The following TRMT9B variants were observed in gnomAD, a reference collection of about 807,000 sequenced individuals.
TRMT9B encodes probable tRNA methyltransferase 9B.
In TRMT9B, 16 loss-of-function variants were observed where a neutral mutation model predicts 11.5. The ratio of observed to expected loss-of-function variants is 1.39; its 90% confidence interval spans 0.94 to 2.11. The LOEUF (loss-of-function observed/expected upper bound fraction) is 2.11, where lower values mean the gene tolerates loss of function less well. Among genes scored for constraint, TRMT9B ranks in the 30% most tolerant of loss-of-function variants. TRMT9B has a pLI of 0.00. For synonymous variants in TRMT9B, 274 were observed against 192.4 expected, an observed-to-expected ratio of 1.42 and a Z score of -3.51; for missense variants, 941 against 553.8, an observed-to-expected ratio of 1.70 and a Z score of -7.02.
chr8:13,005,286 C>A (rs747433476), intron 2 of TRMT9B, among the ~76,000 whole-genome samples: 6 of 152,014 alleles, frequency 3.9e-5, no homozygotes, highest in Admixed American at 6.6e-5. Context: ...TTACGAGAGG[C>A]TGCAAAGCGT....
intron 1 of TRMT9B, among the ~76,000 whole-genome samples, chr8:12,983,918 A>T (rs1423632822): frequency 4.6e-5 from 7 of 152,144 alleles, no homozygotes; most frequent in Admixed American, 4.6e-4. Context: ...CACTTTTTTT[A>T]AAAAACTGTA....
chr8:12,990,814 A>G lies in TRMT9B; in HGVS notation c.-199-20A>G, dbSNP rs772467127. On this transcript the variant is annotated intron_variant, in intron 1 of 4. Transcript: ENST00000524591. ...CATACCATGTGAAATGACATTTAGT[A>G]TTTGTTTTCTTCCTGATAGGGCCTG... The G allele has an allele frequency of 6.2e-5, 80 of 1,282,894 alleles. 1 individual carries two copies. The South Asian group carries it at 8.4e-4, about 14-fold the overall frequency. The allele number at this position is 1,282,894 out of a possible 1,614,324, so 79.5% of individuals were successfully genotyped here. A position where few individuals can be genotyped will look rare whatever the true frequency, so the allele number is the denominator to read the frequency against.
chr8:12,971,743 T>C lies in TRMT9B; in HGVS notation c.-199-19091T>C, dbSNP rs375758717. Reference sequence around the variant, plus strand: ...AAGAGAGTTCAGCTACTTATTTTCCTCCGAATATATTTAGATGTGGTTATC... The same window carrying C: ...AAGAGAGTTCAGCTACTTATTTTCCCCCGAATATATTTAGATGTGGTTATC... On this transcript the variant is annotated intron_variant, in intron 1 of 4. Transcript: ENST00000524591. 5.3e-5 allele frequency among the ~76,000 whole-genome samples: 8 copies of C among 152,320 alleles called. No homozygotes were observed. The East Asian group carries it at 1.2e-3, about 22-fold the overall frequency.
chr8:13,016,341 T>TGA lies in TRMT9B; in HGVS notation c.328+3484_328+3485insGA, dbSNP rs1812701257. ...GAGAGATAGTCTATTGAAATTTCTC[T>TGA]TATATGACATATATAAGGACCTATA... On this transcript the variant is annotated intron_variant, in intron 4 of 4. Transcript: ENST00000524591. Among the ~76,000 whole-genome samples the TGA allele has an allele frequency of 6.9e-5, 10 of 143,930 alleles. No homozygotes were observed. The Admixed American group carries it at 7.2e-4, about 10-fold the overall frequency. The allele number at this position is 143,930 out of a possible 152,430, so 94.4% of individuals were successfully genotyped here. A position where few individuals can be genotyped will look rare whatever the true frequency, so the allele number is the denominator to read the frequency against.
rs1401966845 is a variant in TRMT9B at position 13,025,554 on chromosome 8, ACTGT to A, written c.*3513_*3516del. ...AACTTTGCTGGCTTCCTGATGCCTCACTGTCTATTTGAGGAATTCCACAGAATCT... is the reference window on the plus strand; with the variant it reads ...AACTTTGCTGGCTTCCTGATGCCTCACTATTTGAGGAATTCCACAGAATCT... On this transcript the variant is annotated 3_prime_UTR_variant, in exon 5 of 5. Coordinates refer to ENST00000524591, the MANE Select transcript of TRMT9B (RefSeq NM_020844.3). The A allele has an allele frequency of 6.0e-6, 1 of 167,056 alleles. No homozygotes were observed. Among genetic ancestry groups the A allele is most frequent in the Non-Finnish European group, 1.5e-5 (1 of 68,166 alleles). 10.3% of individuals were successfully genotyped at this position (167,056 alleles called of 1,614,324 possible).
At position 13,021,016 on chromosome 8, in the gene TRMT9B, C is replaced by A; in HGVS notation, c.337C>A (p.His113Asn). Residue 113 changes from histidine to asparagine, a missense_variant, in exon 5 of 5, where the codon CAT becomes AAT. Coordinates refer to ENST00000524591, the MANE Select transcript of TRMT9B (RefSeq NM_020844.3). ...AGTTTTGTCTTTTTCAGTCATACAT[C>A]ATTTTTCTACAAAACAAAGAAGAAT... Reference protein sequence around the residue: ...DAIISIGVIHHFSTKQRRIRA... With the variant: ...DAIISIGVIHNFSTKQRRIRA... 6.5e-7 allele frequency: 1 copy of A among 1,541,756 alleles called. No individual in the cohort carries two copies. Among genetic ancestry groups the A allele is most frequent in the South Asian group, 1.3e-5 (1 of 79,676 alleles).
Position 12,947,466 on chromosome 8 carries a change from TA to T in TRMT9B, c.-200+1502del, listed in dbSNP as rs1288906852. On this transcript the variant is annotated intron_variant, in intron 1 of 4. Transcript: ENST00000524591. ...AAGTCTCCATTAAGCTAATAATAGG[TA>T]AGCACCCTCAATGGCTAAGAGCCAG... is the stretch of plus-strand genomic sequence containing the variant. 3.7e-4 allele frequency among the ~76,000 whole-genome samples: 56 copies of T among 152,158 alleles called. 1 individual carries two copies.
intron 4 of TRMT9B, among the ~76,000 whole-genome samples, chr8:13,013,905 C>T (rs765864388): frequency 3.7e-4 from 57 of 152,104 alleles, no homozygotes; most frequent in Non-Finnish European, 5.9e-4. Context: ...GCTGAGATCA[C>T]ACCACTGCAC....
intron 3 of TRMT9B, among the ~76,000 whole-genome samples, chr8:13,007,985 G>C (rs147603191): frequency 1.3e-5 from 2 of 152,252 alleles, no homozygotes; most frequent in East Asian, 1.9e-4. Flanking sequence ...ATTATTCACA[G>C]TACTTACATT....
rs749713091 is a variant in TRMT9B, at chr8:13,021,564, T to C, written c.885T>C (p.Asp295=). ...QPSRHSSLDF[D]HQEPFSTKGQ... is the part of the protein sequence containing the mutation. ...CCAGACACTCTAGTTTAGACTTTGA[T>C]CACCAAGAGCCATTTTCAACAAAAG... Residue 295 remains aspartate (D), a synonymous_variant, in exon 5 of 5, where the codon GAT becomes GAC. Coordinates refer to ENST00000524591, the MANE Select transcript of TRMT9B (RefSeq NM_020844.3). 4 of 1,613,786 alleles carry C rather than the reference T, an allele frequency of 2.5e-6. No homozygotes were observed. The African/African-American group carries it at 5.3e-5, about 22-fold the overall frequency.
intron 3 of TRMT9B, chr8:13,010,408 C>G: frequency 1.0e-6 from 1 of 983,624 alleles, no homozygotes; most frequent in Non-Finnish European, 1.2e-6. Context: ...ATATGACTGT[C>G]CTCTAAAGGA....
intron 1 of TRMT9B, among the ~76,000 whole-genome samples, chr8:12,974,134 G>T (rs1804059590): frequency 6.6e-6 from 1 of 152,076 alleles, no homozygotes; most frequent in Non-Finnish European, 1.5e-5. Context: ...TCGCACCGAT[G>T]CTCTCCAGCC....
At chr8:13,011,830 G>C (rs903506406) in intron 3 of TRMT9B, 24 of 965,792 alleles carry the variant, frequency 2.5e-5, no homozygotes, top group Non-Finnish European at 2.6e-5. Context: ...ATAGAGATTG[G>C]ATAAAAACAA....
intron 1 of TRMT9B, among the ~76,000 whole-genome samples, chr8:12,963,723 T>G (rs549474569): frequency 4.3e-4 from 65 of 152,354 alleles, no homozygotes; most frequent in East Asian, 3.1e-3. Flanking sequence ...CACTCCAGCC[T>G]GCGCAGCAGA....
At chr8:12,969,117 G>A (rs1283431030) in intron 1 of TRMT9B, among the ~76,000 whole-genome samples, 2 of 152,200 alleles carry the variant, frequency 1.3e-5, no homozygotes, top group African/African-American at 2.4e-5. Context: ...GGAGGCTGAG[G>A]CAGGAGAATC....
chr8:12,981,405 T>C (rs1358498486), intron 1 of TRMT9B, among the ~76,000 whole-genome samples: 1 of 152,166 alleles, frequency 6.6e-6, no homozygotes, highest in African/African-American at 2.4e-5. Flanking sequence ...TTAGGCGACA[T>C]GCTCAGGTAT....
Position 12,976,184 on chromosome 8 carries a change from G to A in TRMT9B, c.-199-14650G>A, listed in dbSNP as rs145359826. Among the ~76,000 whole-genome samples, 839 of 152,102 alleles carry A rather than the reference G, an allele frequency of 5.5e-3. 5 individuals are homozygous for A. The highest frequency in any genetic ancestry group is 0.019 in the African/African-American group (795 of 41,504). On this transcript the variant is annotated intron_variant, in intron 1 of 4. Coordinates refer to ENST00000524591, the MANE Select transcript of TRMT9B (RefSeq NM_020844.3). ...CTGCTGAGCTCCTGCTGCCACCCTC[G>A]GCACCTGCCCTAGTTCTCCTTTGGG...
chr8:12,961,281 A>T (rs1802065661), intron 1 of TRMT9B, among the ~76,000 whole-genome samples: 1 of 152,222 alleles, frequency 6.6e-6, no homozygotes, highest in Non-Finnish European at 1.5e-5. Context: ...GTTAATAATA[A>T]ATATCAATAG....
In TRMT9B at chr8:13,024,110, C is replaced by T. The variant is rs1488407720; in HGVS notation, c.*2066C>T. 1 of 140,272 alleles carries T rather than the reference C, an allele frequency of 7.1e-6. No individual in the cohort carries two copies. The highest frequency in any genetic ancestry group is 1.5e-5 in the Non-Finnish European group (1 of 65,772). 8.7% of individuals were successfully genotyped at this position (140,272 alleles called of 1,614,324 possible). A position where few individuals can be genotyped will look rare whatever the true frequency, so the allele number is the denominator to read the frequency against. ...CCAGGCTGGAGTGCACTGGCGCGAT[C>T]TCGGCTCACTGTAAGCTCCGCCTCC... On this transcript the variant is annotated 3_prime_UTR_variant, in exon 5 of 5. Coordinates refer to ENST00000524591, the MANE Select transcript of TRMT9B (RefSeq NM_020844.3).
Sources: gnomAD v4.1 joint callset for allele counts (sites outside exome capture counted in the v4.1 genomes callset) on GRCh38, gnomAD v4.1.1 for gene constraint, MANE v1.5 for transcripts, NCBI Gene and HGNC (gene_info 2026-07-23, HGNC 2026-07-21) for gene names.